The following ASCC3 variants were observed in gnomAD, a reference collection of about 807,000 sequenced individuals.
ASCC3 encodes ASC-1 complex subunit P200.
A neutral mutation model predicts 256.3 loss-of-function variants in ASCC3; 158 were observed. The ratio of observed to expected loss-of-function variants is 0.62; its 90% confidence interval spans 0.54 to 0.70. The LOEUF is 0.70. Ranked by LOEUF, ASCC3 falls within the 30% of genes least tolerant of loss-of-function variation. The pLI, the probability that ASCC3 is intolerant of heterozygous loss-of-function variation, is 0.00. For synonymous variants in ASCC3, 948 were observed against 883.4 expected (o/e 1.07, Z -1.30); for missense variants, 2,259 against 2,626.0 (o/e 0.86, Z 3.05).
chr6:100,852,502 T>G (rs912716766), intron 3 of ASCC3, among the ~76,000 whole-genome samples: 7 of 152,206 alleles, frequency 4.6e-5, no homozygotes, highest in African/African-American at 1.7e-4. Context: ...TCCCTTTATA[T>G]TCTATATGTA....
At chr6:100,667,483 T>C (rs1405236089) in intron 14 of ASCC3, among the ~76,000 whole-genome samples, 2 of 152,100 alleles carry the variant, frequency 1.3e-5, no homozygotes, top group Non-Finnish European at 2.9e-5. Context: ...AGATTTGTTC[T>C]TTAGAGAGGT....
chr6:100,797,398 C>T (rs911860462), intron 8 of ASCC3, among the ~76,000 whole-genome samples: 3 of 132,590 alleles, frequency 2.3e-5, no homozygotes, highest in African/African-American at 5.7e-5. Context: ...GCAGAGGTTG[C>T]GGTGAGCCGA....
chr6:100,631,621 T>C (rs920381992), intron 25 of ASCC3, among the ~76,000 whole-genome samples: 21 of 152,072 alleles, frequency 1.4e-4, no homozygotes, highest in African/African-American at 5.1e-4. Flanking sequence ...ATGATTAATA[T>C]TTATTTGAGT....
intron 26 of ASCC3, 65 bp downstream of exon 26, chr6:100,631,063 A>G (rs1471259959): frequency 1.7e-6 from 2 of 1,168,716 alleles, no homozygotes; most frequent in African/African-American, 3.0e-5. Context: ...GTTTTATTCA[A>G]CTCTTATTTC....
intron 18 of ASCC3, 53 bp from the exon 19 acceptor site, chr6:100,651,699 A>T: frequency 3.1e-6 from 3 of 966,326 alleles, no homozygotes; most frequent in Non-Finnish European, 4.3e-6. Context: ...TAAATATTTT[A>T]AATTAAAAAT....
chr6:100,771,694 TA>T, intron 8 of ASCC3, among the ~76,000 whole-genome samples: 1 of 152,126 alleles, frequency 6.6e-6, no homozygotes, highest in Non-Finnish European at 1.5e-5. Context: ...AAATAAAAAT[TA>T]AAATCACAAC....
intron 4 of ASCC3, among the ~76,000 whole-genome samples, chr6:100,818,924 C>G (rs752111277): frequency 1.3e-5 from 2 of 151,940 alleles, no homozygotes; most frequent in Non-Finnish European, 2.9e-5. Context: ...TGAAAATGTC[C>G]ATCAGTGATA....
At chr6:100,550,838 A>T (rs1312657919) in intron 36 of ASCC3, among the ~76,000 whole-genome samples, 1 of 151,980 alleles carries the variant, frequency 6.6e-6, no homozygotes, top group Non-Finnish European at 1.5e-5. Context: ...CACTGCCAGT[A>T]GTATCAGTAT....
chr6:100,783,996 G>A (rs895578039), intron 8 of ASCC3, among the ~76,000 whole-genome samples: 2 of 152,114 alleles, frequency 1.3e-5, no homozygotes, highest in African/African-American at 4.8e-5. Flanking sequence ...ACTTAACCAG[G>A]ATAAATGGCT....
rs773368802 is a variant in ASCC3 at position 100,767,250 on chromosome 6, A to C, written c.1491T>G (p.Ile497Met). The C allele has an allele frequency of 6.2e-7, 1 of 1,614,082 alleles. No homozygotes were observed. The highest frequency in any genetic ancestry group is 1.1e-5 in the South Asian group (1 of 91,070). The change falls in exon 9 of 42, where the codon ATT (isoleucine) becomes ATG (methionine). Residue 497 changes from isoleucine to methionine, a missense_variant. Transcript: ENST00000369162. ...TAYNTNENML[I>M]CAPTGAGKTN... ...TTTTTCCAGCTCCTGTAGGGGCACA[A>C]ATCAGCATGTTCTCATTGGTGTTGT...
chr6:100,621,428 G>T (rs866430728), intron 30 of ASCC3, among the ~76,000 whole-genome samples: 8 of 152,010 alleles, frequency 5.3e-5, no homozygotes, highest in Admixed American at 4.6e-4. Flanking sequence ...GTGGGCAAAG[G>T]ATATGAACAG....
intron 30 of ASCC3, among the ~76,000 whole-genome samples, chr6:100,613,799 C>T (rs899549209): frequency 5.9e-5 from 9 of 152,080 alleles, no homozygotes; most frequent in Admixed American, 4.6e-4. Context: ...TCACCAACAG[C>T]GTGTAAGAGT....
At chr6:100,668,285 T>C (rs967286915) in intron 14 of ASCC3, among the ~76,000 whole-genome samples, 16 of 151,836 alleles carry the variant, frequency 1.1e-4, no homozygotes, top group African/African-American at 3.6e-4. Flanking sequence ...ATATCACAAT[T>C]TGAAAGAATA....
intron 3 of ASCC3, among the ~76,000 whole-genome samples, chr6:100,853,352 A>C (rs1033209150): frequency 6.6e-6 from 1 of 151,994 alleles, no homozygotes; most frequent in African/African-American, 2.4e-5. Context: ...AAAAAGGATG[A>C]GTAGAAAATT....
At chr6:100,586,086 C>G (rs568071187) in intron 36 of ASCC3, among the ~76,000 whole-genome samples, 1 of 152,270 alleles carries the variant, frequency 6.6e-6, no homozygotes, top group Admixed American at 6.5e-5. Flanking sequence ...CAGCTGCGTG[C>G]TGGGAGAACC....
chr6:100,730,346 A>G (rs968364823), intron 10 of ASCC3, among the ~76,000 whole-genome samples: 6 of 152,132 alleles, frequency 3.9e-5, no homozygotes, highest in Non-Finnish European at 8.8e-5. Flanking sequence ...ACTACCAAGT[A>G]TATTTTCAAA....
chr6:100,558,701 C>G (rs72939358), intron 36 of ASCC3, among the ~76,000 whole-genome samples: 18,379 of 152,130 alleles, frequency 0.12, 1,517 homozygotes, highest in Non-Finnish European at 0.18. Flanking sequence ...GATTGGGAAA[C>G]AATTATTTCA....
chr6:100,740,477 A>G (rs925874836), intron 10 of ASCC3, among the ~76,000 whole-genome samples: 1 of 152,122 alleles, frequency 6.6e-6, no homozygotes, highest in Non-Finnish European at 1.5e-5. Context: ...GGGGCAGGTC[A>G]TGAATATCTT....
At chr6:100,716,639 C>T (rs898893104) in intron 12 of ASCC3, among the ~76,000 whole-genome samples, 4 of 151,924 alleles carry the variant, frequency 2.6e-5, no homozygotes, top group African/African-American at 7.2e-5. Context: ...CTCCCAATAA[C>T]TTTTTCAGTG....
Sources: allele counts gnomAD v4.1 joint callset (sites outside exome capture counted in the v4.1 genomes callset), GRCh38; gene constraint gnomAD v4.1.1; transcripts MANE v1.5; gene names NCBI Gene and HGNC (gene_info 2026-07-23, HGNC 2026-07-21).